CSMD3: variants seen among roughly 807,000 people sequenced by gnomAD.
The protein encoded by CSMD3 is CUB and sushi domain-containing protein 3.
Under a neutral mutation model 435.2 loss-of-function variants are expected in CSMD3, and 177 were observed. That is an observed-to-expected ratio of 0.41 (90% CI 0.36 to 0.46). The LOEUF (loss-of-function observed/expected upper bound fraction) is 0.46, where lower values mean the gene tolerates loss of function less well. Ranked by LOEUF, CSMD3 falls within the 20% of genes least tolerant of loss-of-function variation. The pLI is 0.34. For synonymous variants in CSMD3, 1,656 were observed against 1,520.5 expected (o/e 1.09, Z -2.07); for missense variants, 4,265 against 4,504.6 (o/e 0.95, Z 1.52).
At chr8:112,645,353 G>A in intron 19 of CSMD3, 128 bp from the exon 20 acceptor site, 4 of 715,462 alleles carry the variant, frequency 5.6e-6, no homozygotes, top group Non-Finnish European at 1.0e-5. Context: ...AGTAATAACA[G>A]GTGTGCATGC....
chr8:113,351,964 C>G (rs11985353), intron 1 of CSMD3, among the ~76,000 whole-genome samples: 5 of 152,034 alleles, frequency 3.3e-5, no homozygotes, highest in African/African-American at 1.2e-4. Flanking sequence ...AGCACCAAAC[C>G]TCTTACCACT....
Position 112,791,580 on chromosome 8 carries a change from A to T in CSMD3, c.1972+8582T>A, listed in dbSNP as rs2078693535. 2.0e-5 allele frequency among the ~76,000 whole-genome samples: 3 copies of T among 151,942 alleles called. No individual in the cohort carries two copies. The South Asian group carries it at 6.2e-4, about 31-fold the overall frequency. On this transcript the variant is annotated intron_variant, in intron 13 of 70. Coordinates refer to ENST00000297405, the MANE Select transcript of CSMD3 (RefSeq NM_198123.2). ...GTTAAGAGTATTTTCTTTTTTATTG[A>T]TGAGTAGTATTCTATTGTGTAGACA...
In CSMD3 at chr8:113,377,504, G is replaced by T. The variant is rs190551629; in HGVS notation, c.178+59173C>A. ...AAATTGGGAGCTTTCCTAGGATTTT[G>T]TCTTATGTGCCAGCTATCTGAAAGC... is the stretch of plus-strand genomic sequence containing the variant. On this transcript the variant is annotated intron_variant, in intron 1 of 70. Transcript: ENST00000297405. Among the ~76,000 whole-genome samples the T allele has an allele frequency of 2.4e-4, 36 of 152,226 alleles. No individual in the cohort carries two copies. In the East Asian group the frequency reaches 6.8e-3, roughly 29 times the overall value.
rs530727324 is a variant in CSMD3 at position 113,292,790 on chromosome 8, T to C, written c.402-14086A>G. Among the ~76,000 whole-genome samples, 4 of 151,888 alleles carry C rather than the reference T, an allele frequency of 2.6e-5. No homozygotes were observed. In the East Asian group the frequency reaches 5.9e-4, roughly 22 times the overall value. On this transcript the variant is annotated intron_variant, in intron 2 of 70. Coordinates refer to ENST00000297405, the MANE Select transcript of CSMD3 (RefSeq NM_198123.2). The stretch of plus-strand genomic sequence containing the variant: ...AAGTAATTGAGGATTTGCCATTATT[T>C]TTTAAAGGTGAAAACCTCAATTACT...
intron 2 of CSMD3, chr8:113,311,895 T>C (rs1478728456): frequency 5.3e-5 from 8 of 152,130 alleles, no homozygotes; most frequent in Non-Finnish European, 1.2e-4. Flanking sequence ...AGTCTTGTCA[T>C]TTTGCTTGTA....
chr8:113,233,865 C>A (rs944525619), intron 3 of CSMD3, among the ~76,000 whole-genome samples: 1 of 152,024 alleles, frequency 6.6e-6, no homozygotes, highest in African/African-American at 2.4e-5. Context: ...ACAGAAGACT[C>A]CAGACTTCTG....
At chr8:112,529,216 C>T (rs901347581) in intron 27 of CSMD3, among the ~76,000 whole-genome samples, 7 of 152,162 alleles carry the variant, frequency 4.6e-5, no homozygotes, top group Admixed American at 3.9e-4. Context: ...TCTAACTGGT[C>T]TGCCACAAAT....
intron 6 of CSMD3, among the ~76,000 whole-genome samples, chr8:113,008,701 A>ATATATT (rs1246401360): frequency 2.6e-5 from 4 of 151,684 alleles, no homozygotes; most frequent in African/African-American, 7.2e-5. Context: ...GCATCTTTCT[A>ATATATT]GTACTATATA....
At chr8:112,363,408 C>T (rs1827450635) in intron 38 of CSMD3, among the ~76,000 whole-genome samples, 1 of 151,784 alleles carries the variant, frequency 6.6e-6, no homozygotes, top group Non-Finnish European at 1.5e-5. Context: ...CACATGTGTG[C>T]TCTAGTAGTA....
chr8:112,475,448 T>C (rs1342356737), intron 31 of CSMD3, among the ~76,000 whole-genome samples: 1 of 152,160 alleles, frequency 6.6e-6, no homozygotes, highest in African/African-American at 2.4e-5. Flanking sequence ...AAACATAATT[T>C]TATGTTTATT....
intron 50 of CSMD3, among the ~76,000 whole-genome samples, chr8:112,309,862 T>A (rs747080813): frequency 3.3e-5 from 5 of 152,132 alleles, no homozygotes; most frequent in Non-Finnish European, 5.9e-5. Context: ...TTTTAACTTA[T>A]TATTGGTTGA....
intron 17 of CSMD3, among the ~76,000 whole-genome samples, chr8:112,664,304 T>TA (rs2075463535): frequency 6.6e-6 from 1 of 152,160 alleles, no homozygotes; most frequent in Non-Finnish European, 1.5e-5. Context: ...AATCAATACA[T>TA]ATCATGCTTT....
chr8:113,105,133 A>C (rs868576744), intron 4 of CSMD3, among the ~76,000 whole-genome samples: 1 of 152,108 alleles, frequency 6.6e-6, no homozygotes, highest in African/African-American at 2.4e-5. Context: ...ATCAAGTAAT[A>C]AACATGAAAG....
chr8:112,366,579 G>A (rs1827797066), intron 38 of CSMD3, among the ~76,000 whole-genome samples: 1 of 152,048 alleles, frequency 6.6e-6, no homozygotes, highest in Admixed American at 6.6e-5. Flanking sequence ...TGTATTTTTG[G>A]TAGAGATAGG....
chr8:112,365,639 A>T (rs991489745), intron 38 of CSMD3, among the ~76,000 whole-genome samples: 1 of 152,054 alleles, frequency 6.6e-6, no homozygotes, highest in African/African-American at 2.4e-5. Flanking sequence ...CAAACATCAA[A>T]CTTATGGTGA....
chr8:113,347,231 CCTTTGACACTTA>C (rs1247908577), intron 1 of CSMD3, among the ~76,000 whole-genome samples: 1 of 152,130 alleles, frequency 6.6e-6, no homozygotes, highest in Admixed American at 6.6e-5. Context: ...AACTTATCTT[CCTTTGACACTTA>C]CTTTTCTTCA....
intron 5 of CSMD3, among the ~76,000 whole-genome samples, chr8:113,079,650 T>A (rs1252891402): frequency 6.6e-6 from 1 of 152,112 alleles, no homozygotes; most frequent in Non-Finnish European, 1.5e-5. Flanking sequence ...CATGTAGACA[T>A]GATACAGATA....
chr8:112,259,599 A>G (rs1022485708), intron 61 of CSMD3, among the ~76,000 whole-genome samples: 6 of 152,200 alleles, frequency 3.9e-5, no homozygotes, highest in African/African-American at 9.7e-5. Context: ...TAATAAATAA[A>G]TAAATATTAA....
intron 13 of CSMD3, among the ~76,000 whole-genome samples, chr8:112,730,707 A>AGG (rs2077056330): frequency 1.3e-5 from 2 of 152,118 alleles, no homozygotes; most frequent in Admixed American, 1.3e-4. Context: ...CTGACTGTGT[A>AGG]CCTGCTTAAG....
Sources: gnomAD v4.1 joint callset for allele counts (sites outside exome capture counted in the v4.1 genomes callset) on GRCh38, gnomAD v4.1.1 for gene constraint, MANE v1.5 for transcripts, NCBI Gene and HGNC (gene_info 2026-07-23, HGNC 2026-07-21) for gene names.